OCA2: variants seen among roughly 807,000 people sequenced by gnomAD.
OCA2 encodes P protein.
Under a neutral mutation model 100.2 loss-of-function variants are expected in OCA2, and 77 were observed. That is an observed-to-expected ratio of 0.77 (90% CI 0.64 to 0.93). OCA2 has a LOEUF of 0.93. OCA2 is among the 40% of genes least tolerant of loss of function. The pLI, the probability that OCA2 is intolerant of heterozygous loss-of-function variation, is 0.00. For missense variants in OCA2, 1,062 were observed against 1,089.1 expected (o/e 0.98, Z 0.35); for synonymous variants, 432 against 439.2 (o/e 0.98, Z 0.21).
At chr15:27,936,407 T>A (rs1243308278) in intron 18 of OCA2, among the ~76,000 whole-genome samples, 1 of 152,212 alleles carries the variant, frequency 6.6e-6, no homozygotes, top group East Asian at 1.9e-4. Flanking sequence ...CTTACTCAAT[T>A]ATCATGTAGA....
intron 19 of OCA2, among the ~76,000 whole-genome samples, chr15:27,895,102 T>A (rs187369287): frequency 2.0e-3 from 300 of 152,274 alleles, no homozygotes; most frequent in Non-Finnish European, 3.3e-3. Context: ...AATGTAACTC[T>A]CCTTCCTGGG....
intron 9 of OCA2, among the ~76,000 whole-genome samples, chr15:28,010,223 C>T (rs1357255861): frequency 6.6e-6 from 1 of 152,032 alleles, no homozygotes; most frequent in East Asian, 1.9e-4. Context: ...CCTCTTAGTA[C>T]ATTAGGAAAA....
At chr15:27,810,196 T>A (rs763578009) in intron 23 of OCA2, among the ~76,000 whole-genome samples, 3 of 152,066 alleles carry the variant, frequency 2.0e-5, no homozygotes, top group Non-Finnish European at 4.4e-5. Flanking sequence ...AAGTCAGAAA[T>A]AAAGCCAAAT....
At chr15:27,767,614 A>T (rs925609571) in intron 23 of OCA2, among the ~76,000 whole-genome samples, 4 of 152,010 alleles carry the variant, frequency 2.6e-5, no homozygotes, top group African/African-American at 9.7e-5. Flanking sequence ...ACCAATCAGC[A>T]CTCTGTAAAA....
At chr15:28,095,731 A>G (rs987314127) in intron 1 of OCA2, among the ~76,000 whole-genome samples, 1 of 151,232 alleles carries the variant, frequency 6.6e-6, no homozygotes, top group African/African-American at 2.4e-5. Context: ...AAAAAAAAAA[A>G]GAACATTGTT....
chr15:28,029,270 A>G (rs2042844302), intron 3 of OCA2, among the ~76,000 whole-genome samples: 1 of 152,230 alleles, frequency 6.6e-6, no homozygotes, highest in South Asian at 2.1e-4. Context: ...GCTGTGTATA[A>G]CCAATGTGTA....
chr15:27,809,913 GAATC>G (rs1284236825), intron 23 of OCA2, among the ~76,000 whole-genome samples: 1 of 152,220 alleles, frequency 6.6e-6, no homozygotes, highest in Non-Finnish European at 1.5e-5. Flanking sequence ...TGGATGGGAA[GAATC>G]AATATTGTGA....
chr15:27,822,023 G>T (rs1455541012), intron 23 of OCA2, among the ~76,000 whole-genome samples: 1 of 152,134 alleles, frequency 6.6e-6, no homozygotes, highest in Non-Finnish European at 1.5e-5. Context: ...TAAAACTTCA[G>T]TCACAGAAAC....
downstream of OCA2, among the ~76,000 whole-genome samples, chr15:27,753,924 G>A (rs561363891): frequency 6.6e-6 from 1 of 152,136 alleles, no homozygotes; most frequent in South Asian, 2.1e-4. Context: ...GGACATGAGG[G>A]AGCCCAGTGC....
chr15:27,996,628 T>C (rs540768361), intron 9 of OCA2, among the ~76,000 whole-genome samples: 1 of 151,452 alleles, frequency 6.6e-6, no homozygotes, highest in East Asian at 1.9e-4. Flanking sequence ...AATAAAATTA[T>C]AAATGAAAAA....
intron 23 of OCA2, among the ~76,000 whole-genome samples, chr15:27,817,800 C>A (rs2034360321): frequency 6.6e-6 from 1 of 152,164 alleles, no homozygotes; most frequent in African/African-American, 2.4e-5. Flanking sequence ...GAAGGGTTTG[C>A]ATATAAACTT....
At chr15:27,954,593 T>G (rs141155038) in intron 17 of OCA2, among the ~76,000 whole-genome samples, 5 of 152,164 alleles carry the variant, frequency 3.3e-5, no homozygotes, top group African/African-American at 1.2e-4. Flanking sequence ...GTCACTGAGA[T>G]GCAAATGACT....
At chr15:27,976,749 T>C (rs533695537) in intron 14 of OCA2, among the ~76,000 whole-genome samples, 5 of 152,326 alleles carry the variant, frequency 3.3e-5, no homozygotes, top group South Asian at 2.1e-4. Context: ...CAAGGCCTCA[T>C]AGAATTAATT....
At chr15:27,761,160 C>T (rs989869) in intron 23 of OCA2, among the ~76,000 whole-genome samples, 96,631 of 151,476 alleles carry the variant, frequency 0.64, 31,074 homozygotes, top group East Asian at 0.72. Context: ...GACATGATAG[C>T]TTACATTAAA....
chr15:27,850,754 G>C (rs1362127751), intron 22 of OCA2, among the ~76,000 whole-genome samples: 1 of 152,174 alleles, frequency 6.6e-6, no homozygotes, highest in Non-Finnish European at 1.5e-5. Context: ...AAGCGTATCT[G>C]ATGTGTTGAT....
At chr15:28,046,912 C>T (rs2043364780) in intron 2 of OCA2, among the ~76,000 whole-genome samples, 1 of 152,188 alleles carries the variant, frequency 6.6e-6, no homozygotes, top group African/African-American at 2.4e-5. Flanking sequence ...CTAAAAGCCA[C>T]CTGCTCAAGA....
chr15:27,817,561 C>T (rs188749631), intron 23 of OCA2, among the ~76,000 whole-genome samples: 2 of 152,302 alleles, frequency 1.3e-5, no homozygotes, highest in Admixed American at 6.5e-5. Context: ...ATGATTTCAT[C>T]CTCCTTGCCC....
chr15:27,946,403 G>A (rs886179551), intron 18 of OCA2, among the ~76,000 whole-genome samples: 11 of 152,150 alleles, frequency 7.2e-5, no homozygotes, highest in African/African-American at 2.4e-4. Context: ...GCCAATCCCC[G>A]CAGCCATACT....
intron 18 of OCA2, among the ~76,000 whole-genome samples, chr15:27,951,379 T>C (rs183673956): frequency 3.3e-5 from 5 of 152,370 alleles, no homozygotes; most frequent in African/African-American, 9.6e-5. Flanking sequence ...CCGAACAGAC[T>C]GTCACCTAAC....
Sources: allele counts gnomAD v4.1 joint callset (sites outside exome capture counted in the v4.1 genomes callset), GRCh38; gene constraint gnomAD v4.1.1; transcripts MANE v1.5; gene names NCBI Gene and HGNC (gene_info 2026-07-23, HGNC 2026-07-21).